The following MYBPC2 variants were observed in gnomAD, a reference collection of about 807,000 sequenced individuals.
MYBPC2 encodes the protein myosin binding protein C2.
In MYBPC2, 122 loss-of-function variants were observed where a neutral mutation model predicts 137.0. The observed-to-expected ratio is 0.89, with a 90% CI of 0.77 to 1.03. The LOEUF (loss-of-function observed/expected upper bound fraction) is 1.03, where lower values mean the gene tolerates loss of function less well. Among genes scored for constraint, MYBPC2 ranks in the 50% least tolerant of loss-of-function variants. MYBPC2 has a pLI of 0.00. For synonymous variants in MYBPC2, 626 were observed against 612.3 expected (o/e 1.02, Z -0.33); for missense variants, 1,500 against 1,534.4 (o/e 0.98, Z 0.37).
intron 11 of MYBPC2, among the ~76,000 whole-genome samples, chr19:50,444,888 A>G (rs563172393): frequency 6.6e-6 from 1 of 151,628 alleles, no homozygotes; most frequent in East Asian, 1.9e-4. Flanking sequence ...TCAAAAAAAA[A>G]AAAAAAAAAA....
intron 18 of MYBPC2, 50 bp from the exon 19 acceptor site, chr19:50,455,058 T>C (rs1296463188): frequency 1.3e-6 from 2 of 1,528,454 alleles, no homozygotes; most frequent in Non-Finnish European, 8.8e-7. Flanking sequence ...AGCTGACTCA[T>C]GCCCCATGCC....
chr19:50,436,745 G>T lies in MYBPC2; in HGVS notation c.463+11G>T. 6.2e-7 allele frequency: 1 copy of T among 1,611,842 alleles called. No homozygotes were observed. Among genetic ancestry groups the T allele is most frequent in the Non-Finnish European group, 8.5e-7 (1 of 1,178,126 alleles). On this transcript the variant is annotated intron_variant, in intron 5 of 27. Coordinates refer to ENST00000357701, the MANE Select transcript of MYBPC2 (RefSeq NM_004533.4). ...ACATCGATGTGGAGGGTATGCTGGT[G>T]GGGGATGCGGGAGCAAAGGGTTCTA...
chr19:50,464,449 C>T lies in MYBPC2; in HGVS notation c.3332C>T (p.Ser1111Leu), dbSNP rs776391611. The part of the protein sequence containing the change: ...GVLTLNIRRP[S>L]PFDAGTYTCR... ...CTGACGCTGAACATCCGTCGCCCCT[C>T]GCCCTTCGACGCTGGGACTTACACC... Residue 1111 changes from serine (S) to leucine (L), a missense_variant, in exon 27 of 28, where the codon TCG becomes TTG. Ser to Leu is a moderately radical substitution (Grantham distance 145, BLOSUM62 -2). Coordinates refer to ENST00000357701, the MANE Select transcript of MYBPC2 (RefSeq NM_004533.4). The T allele has an allele frequency of 3.2e-5, 51 of 1,611,732 alleles. No homozygotes were observed. Among genetic ancestry groups the T allele is most frequent in the South Asian group, 8.9e-5 (8 of 90,360 alleles).
Position 50,435,857 on chromosome 19 carries a change from A to C in MYBPC2, c.191A>C (p.Glu64Ala), listed in dbSNP as rs991035882. Residue 64 changes from glutamate to alanine, a missense_variant, in exon 3 of 28, where the codon GAG (glutamate) becomes GCG (alanine). Physicochemically the swap from Glu to Ala is moderately radical, Grantham distance 107. Transcript: ENST00000357701. This position sits in a 1 kb window ranked among gnomAD's most constrained non-coding sequence, Gnocchi z 4.8. ...FLKKPDSVSV[E>A]TGKDAVVVAK... ...AAGAAGCCGGACTCCGTCTCAGTGG[A>C]GACTGGTGAGGGGAACCCGGGGGAG... 3.1e-6 allele frequency: 5 copies of C among 1,591,524 alleles called. No individual in the cohort carries two copies. The African/African-American group carries it at 6.7e-5, about 21-fold the overall frequency.
rs570166237 is a variant in MYBPC2, at chr19:50,448,551, C to A, written c.1472+161C>A. Among the ~76,000 whole-genome samples, 7 of 152,220 alleles carry A rather than the reference C, an allele frequency of 4.6e-5. No homozygotes were observed. The South Asian group carries it at 1.5e-3, about 32-fold the overall frequency. ...TGGCGCGATCTCAGCTCACTGCAAC[C>A]TCCGCCTCCCGGATTCAAGCGATTC... On this transcript the variant is annotated intron_variant, in intron 13 of 27. Coordinates refer to ENST00000357701, the MANE Select transcript of MYBPC2 (RefSeq NM_004533.4).
intron 24 of MYBPC2, 49 bp from the exon 25 acceptor site, chr19:50,461,493 G>A: frequency 1.9e-6 from 3 of 1,578,208 alleles, no homozygotes; most frequent in Non-Finnish European, 1.7e-6. Context: ...GTGTAATCGT[G>A]TGATCCTGTG....
rs146627530 is a variant in MYBPC2, at chr19:50,461,738, G to A, written c.3091+37G>A. ...CTGCCCCACAGCCCAGGCCCACCCC[G>A]TCCACCCTCTCGCCCAGGTCCCACC... is the stretch of plus-strand genomic sequence containing the variant. On this transcript the variant is annotated intron_variant, in intron 25 of 27. Coordinates refer to ENST00000357701, the MANE Select transcript of MYBPC2 (RefSeq NM_004533.4). The A allele has an allele frequency of 8.3e-4, 1,330 of 1,608,238 alleles. 14 individuals are homozygous for A. In the African/African-American group the frequency reaches 0.015, roughly 18 times the overall value.
At position 50,437,334 on chromosome 19, in the gene MYBPC2, C is replaced by T. The variant is rs1227929978; in HGVS notation, c.464-139C>T. ...GGTCTAGAACTAGAGGATGCCCAGG[C>T]CTGAGCAAGGTTGTGCTGGTCCAAG... On this transcript the variant is annotated intron_variant, in intron 5 of 27. Transcript: ENST00000357701. 46 of 917,968 alleles carry T rather than the reference C, an allele frequency of 5.0e-5. 1 individual carries two copies. In the Admixed American group the frequency reaches 9.8e-4, roughly 19 times the overall value. The allele number at this position is 917,968 out of a possible 1,614,324, so 56.9% of individuals were successfully genotyped here. A position where few individuals can be genotyped will look rare whatever the true frequency, so the allele number is the denominator to read the frequency against.
At chr19:50,443,390 TGAGAGA>T in intron 9 of MYBPC2, 98 bp from the exon 10 acceptor site, 10 of 1,329,222 alleles carry the variant, frequency 7.5e-6, no homozygotes, top group Non-Finnish European at 1.0e-5. Flanking sequence ...AATTTGGCTC[TGAGAGA>T]GAGAGAGAGA....
chr19:50,461,892 C>G lies in MYBPC2; in HGVS notation c.3092-8C>G, dbSNP rs759709794. ...CAGTCGCCTTACGGGTGCATCCTCT[C>G]TCCCCAGGAATCACCTTCAAACCGT... On this transcript the variant is annotated splice_polypyrimidine_tract_variant and splice_region_variant and intron_variant, in intron 25 of 27. Coordinates refer to ENST00000357701, the MANE Select transcript of MYBPC2 (RefSeq NM_004533.4). The G allele has an allele frequency of 1.9e-6, 3 of 1,594,032 alleles. No individual in the cohort carries two copies. The highest frequency in any genetic ancestry group is 2.6e-6 in the Non-Finnish European group (3 of 1,169,836).
rs553342199 is a variant in MYBPC2, at chr19:50,435,599, AGCCACGAG to A, written c.110-175_110-168del. Among the ~76,000 whole-genome samples, 59 of 152,364 alleles carry A rather than the reference AGCCACGAG, an allele frequency of 3.9e-4. No homozygotes were observed. The South Asian group carries it at 0.012, about 30-fold the overall frequency. ...TGAGGGAGCCTGGCCAAGGTCACAC[AGCCACGAG>A]GGTGACAGGTGGCCTTTCCCAGGTC... On this transcript the variant is annotated intron_variant, in intron 2 of 27. Transcript: ENST00000357701. The surrounding 1 kb of genome is among the most constrained non-coding windows in gnomAD (Gnocchi z 4.8).
At chr19:50,458,827 A>T in intron 21 of MYBPC2, 73 bp downstream of exon 21, 1 of 1,597,360 alleles carries the variant, frequency 6.3e-7, no homozygotes, top group Non-Finnish European at 8.5e-7. Flanking sequence ...CGTGTCGTCG[A>T]CAGGACCTCC....
chr19:50,453,920 G>A, intron 16 of MYBPC2, 100 bp from the exon 17 acceptor site: 4 of 1,330,938 alleles, frequency 3.0e-6, no homozygotes, highest in Non-Finnish European at 4.1e-6. Context: ...TGTGTTGATG[G>A]GGAATCATGG....
Position 50,442,284 on chromosome 19 carries a change from G to C in MYBPC2, c.873G>C (p.Lys291Asn), listed in dbSNP as rs774391165. 5.6e-6 allele frequency: 9 copies of C among 1,608,318 alleles called. No individual in the cohort carries two copies. The Admixed American group carries it at 1.4e-4, about 24-fold the overall frequency. The change falls in exon 9 of 28, where the codon AAG (lysine) becomes AAC (asparagine). Residue 291 changes from lysine (K) to asparagine (N), a missense_variant. Lys to Asn is a moderately conservative substitution (Grantham distance 94). Coordinates refer to ENST00000357701, the MANE Select transcript of MYBPC2 (RefSeq NM_004533.4). ...SDPDLTLKWFKNGQEIKPSSK... is the reference protein window; with the variant it reads ...SDPDLTLKWFNNGQEIKPSSK... ...CAGACCTGACCCTCAAGTGGTTCAAGAACGGCCAGGAGATCAAACCAAGCA... is the reference window on the plus strand; with the variant it reads ...CAGACCTGACCCTCAAGTGGTTCAACAACGGCCAGGAGATCAAACCAAGCA...
intron 4 of MYBPC2, 83 bp from the exon 5 acceptor site, chr19:50,436,534 T>C (rs756291237): frequency 5.1e-4 from 641 of 1,251,526 alleles, no homozygotes; most frequent in Non-Finnish European, 6.9e-4. Context: ...GACGTGGAGA[T>C]AGAGCTATGA....
rs866787540 is a variant in MYBPC2, at chr19:50,451,289, TG to T, written c.1591del (p.Glu531SerfsTer32). The T allele has an allele frequency of 7.4e-6, 12 of 1,613,034 alleles. No homozygotes were observed. In the African/African-American group the frequency reaches 1.1e-4, roughly 14 times the overall value. ...SAKLNFLEIKVEYVPKQEPPK... is the reference protein window; with the variant it reads ...SAKLNFLEIKXEYVPKQEPPK... ...CTTCTTTGTCTTGCAGAAATCAAGG[TG>T]GAGTACGTTCCCAAGCAAGGTGAGC... On this transcript the variant is annotated frameshift_variant, in exon 15 of 28. Transcript: ENST00000357701. LOFTEE classifies it high-confidence loss of function.
Position 50,441,037 on chromosome 19 carries a change from C to T in MYBPC2, c.730C>T (p.Arg244Trp), listed in dbSNP as rs374005339. ...GITDLRGMLK[R>W]LKKAKVEVKK... ...CACCGACCTCCGGGGCATGCTGAAGCGGCTGAAAAAGGCTAAGGTCGAGGT... is the reference window on the plus strand; with the variant it reads ...CACCGACCTCCGGGGCATGCTGAAGTGGCTGAAAAAGGCTAAGGTCGAGGT... The change falls in exon 8 of 28, where the codon CGG becomes TGG. Residue 244 changes from arginine (R) to tryptophan (W), a missense_variant. Transcript: ENST00000357701. 65 of 1,606,376 alleles carry T rather than the reference C, an allele frequency of 4.0e-5. No homozygotes were observed. The highest frequency in any genetic ancestry group is 1.7e-4 in the Middle Eastern group (1 of 6,050).
At chr19:50,446,084 A>T in intron 12 of MYBPC2, 32 bp downstream of exon 12, 1 of 1,601,806 alleles carries the variant, frequency 6.2e-7, no homozygotes, top group South Asian at 1.1e-5. Context: ...CACGGGCTGC[A>T]CTGCGCATGC....
rs1601279614 is a variant in MYBPC2, at chr19:50,435,516, C to G, written c.110-260C>G. On this transcript the variant is annotated intron_variant, in intron 2 of 27. Coordinates refer to ENST00000357701, the MANE Select transcript of MYBPC2 (RefSeq NM_004533.4). The surrounding 1 kb of genome is among the most constrained non-coding windows in gnomAD (Gnocchi z 4.8). ...CCGGTCTCTCTAAACCTCTCCCGCC[C>G]CAAAGGCACATTCAGTGCCCTCCAG... 1.3e-5 allele frequency among the ~76,000 whole-genome samples: 2 copies of G among 152,368 alleles called. No homozygotes were observed. Among genetic ancestry groups the G allele is most frequent in the African/African-American group, 4.8e-5 (2 of 41,588 alleles).
Sources: gnomAD v4.1 joint callset for allele counts (sites outside exome capture counted in the v4.1 genomes callset) on GRCh38, gnomAD v4.1.1 for gene constraint, Gnocchi (gnomAD v3.1) non-coding constraint, MANE v1.5 for transcripts, NCBI Gene and HGNC (gene_info 2026-07-23, HGNC 2026-07-21) for gene names.